The following CCDC141 variants were observed in gnomAD, a reference collection of about 807,000 sequenced individuals.
CCDC141 encodes coiled-coil domain containing 141, also known as coiled-coil domain-containing protein 141.
In CCDC141, 168 loss-of-function variants were observed where a neutral mutation model predicts 181.0. That is an observed-to-expected ratio of 0.93 (90% CI 0.82 to 1.05). The LOEUF is 1.05. CCDC141 is among the 50% of genes least tolerant of loss of function. The pLI, the probability that CCDC141 is intolerant of heterozygous loss-of-function variation, is 0.00. For missense variants in CCDC141, 1,902 were observed against 1,788.5 expected (o/e 1.06, Z -1.14); for synonymous variants, 666 against 642.3 (o/e 1.04, Z -0.56).
Position 178,961,257 on chromosome 2 carries a change from T to C in CCDC141, c.753A>G (p.Ile251Met), listed in dbSNP as rs1246610562. 6.4e-7 allele frequency: 1 copy of C among 1,550,408 alleles called. No homozygotes were observed. The highest frequency in any genetic ancestry group is 1.2e-5 in the South Asian group (1 of 84,054). Reference sequence around the variant, plus strand: ...GGTTTTCTTGTTGGTCCCACTGACATATCTGCAGAACTTGACTCAATTCTT... The same window carrying C: ...GGTTTTCTTGTTGGTCCCACTGACACATCTGCAGAACTTGACTCAATTCTT... ...QWQELSQVLQICQWDQQENQV... is the reference protein window; with the variant it reads ...QWQELSQVLQMCQWDQQENQV... The change falls in exon 5 of 24, where the codon ATA (isoleucine) becomes ATG (methionine). Residue 251 changes from isoleucine to methionine, a missense_variant. Ile to Met is a conservative substitution (Grantham distance 10). Transcript: ENST00000443758.
intron 5 of CCDC141, among the ~76,000 whole-genome samples, chr2:178,959,786 T>C (rs948843291): frequency 1.3e-5 from 2 of 152,200 alleles, no homozygotes; most frequent in African/African-American, 2.4e-5. Context: ...GGAGAATAAA[T>C]GACTGGCATC....
chr2:178,944,284 T>C (rs1349209564), intron 6 of CCDC141, among the ~76,000 whole-genome samples: 3 of 152,206 alleles, frequency 2.0e-5, no homozygotes, highest in Non-Finnish European at 4.4e-5. Flanking sequence ...CATACTATAG[T>C]GCCTGGCACA....
chr2:178,848,982 C>A (rs56149358), intron 21 of CCDC141, among the ~76,000 whole-genome samples: 2 of 151,434 alleles, frequency 1.3e-5, no homozygotes, highest in East Asian at 3.9e-4. Context: ...AAGCTATGCA[C>A]GAAGATGTTC....
At chr2:178,985,350 C>T (rs375586520) in intron 2 of CCDC141, among the ~76,000 whole-genome samples, 2 of 146,230 alleles carry the variant, frequency 1.4e-5, no homozygotes, top group East Asian at 2.0e-4. Context: ...ACTAAATGCC[C>T]ACAAGAGAAA....
At chr2:178,985,895 G>A (rs1469067282) in intron 2 of CCDC141, among the ~76,000 whole-genome samples, 1 of 152,150 alleles carries the variant, frequency 6.6e-6, no homozygotes, top group East Asian at 1.9e-4. Flanking sequence ...GGTACAAGGA[G>A]GAACTGGTAC....
At chr2:178,945,137 T>G (rs769957720) in intron 5 of CCDC141, among the ~76,000 whole-genome samples, 21 of 152,080 alleles carry the variant, frequency 1.4e-4, no homozygotes, top group Non-Finnish European at 2.4e-4. Context: ...ATCCAGAAAA[T>G]AGAGAGGTTA....
chr2:178,969,104 C>CAAAAA (rs55999054), intron 4 of CCDC141, among the ~76,000 whole-genome samples: 4 of 51,172 alleles, frequency 7.8e-5, no homozygotes, highest in African/African-American at 2.4e-4. Context: ...GCTTACCAAC[C>CAAAAA]AAAAAAAAAA....
chr2:178,949,566 T>C (rs911257376), intron 5 of CCDC141, among the ~76,000 whole-genome samples: 3 of 152,206 alleles, frequency 2.0e-5, no homozygotes, highest in Non-Finnish European at 2.9e-5. Flanking sequence ...TAGGCTATAT[T>C]TATGAATGTT....
chr2:178,878,269 A>ATATC (rs1686437224), intron 11 of CCDC141, 126 bp from the exon 12 acceptor site: 4 of 314,568 alleles, frequency 1.3e-5, no homozygotes, highest in Non-Finnish European at 2.2e-5. Flanking sequence ...ATTTGTAAAC[A>ATATC]TATTTATTTA....
At chr2:178,897,866 C>G (rs1483952197) in intron 8 of CCDC141, among the ~76,000 whole-genome samples, 1 of 152,208 alleles carries the variant, frequency 6.6e-6, no homozygotes, top group African/African-American at 2.4e-5. Context: ...CTGGACCCAG[C>G]ATTTCCAATC....
intron 2 of CCDC141, among the ~76,000 whole-genome samples, chr2:179,016,130 A>T (rs559355178): frequency 1.3e-5 from 2 of 149,732 alleles, no homozygotes; most frequent in Non-Finnish European, 3.0e-5. Flanking sequence ...TCACTGATAC[A>T]TGGGAGCTAA....
At chr2:178,885,154 A>G in intron 10 of CCDC141, 62 bp from the exon 11 acceptor site, 1 of 1,158,750 alleles carries the variant, frequency 8.6e-7, no homozygotes, top group Non-Finnish European at 1.2e-6. Context: ...TTCACGTTTC[A>G]TTATCTTCTG....
chr2:179,025,553 G>A (rs1053243661), intron 2 of CCDC141, among the ~76,000 whole-genome samples: 1 of 152,184 alleles, frequency 6.6e-6, no homozygotes, highest in African/African-American at 2.4e-5. Context: ...GGAACTGTAA[G>A]TCCATTAAGC....
intron 2 of CCDC141, among the ~76,000 whole-genome samples, chr2:178,981,636 G>GTGTATATATATATATA (rs1313433628): frequency 0.01 from 628 of 62,352 alleles, 42 homozygotes; most frequent in Admixed American, 0.097. Flanking sequence ...GTGTGTGTGT[G>GTGTATATATATATATA]TATATATATA....
intron 2 of CCDC141, among the ~76,000 whole-genome samples, chr2:179,016,324 G>A (rs1465601211): frequency 6.6e-6 from 1 of 151,778 alleles, no homozygotes; most frequent in Non-Finnish European, 1.5e-5. Flanking sequence ...AATACCACCT[G>A]TACCCTAGTA....
At chr2:178,995,130 G>A (rs535445173) in intron 2 of CCDC141, among the ~76,000 whole-genome samples, 32 of 152,238 alleles carry the variant, frequency 2.1e-4, no homozygotes, top group Admixed American at 1.4e-3. Flanking sequence ...GCAGCATCCC[G>A]CTCTACGGGT....
intron 8 of CCDC141, among the ~76,000 whole-genome samples, chr2:178,904,712 TTC>T (rs1687877243): frequency 6.6e-6 from 1 of 152,154 alleles, no homozygotes; most frequent in Non-Finnish European, 1.5e-5. Flanking sequence ...TCCTACTGCA[TTC>T]TCTCTCTGTT....
chr2:178,828,830 G>A (rs1030828364), downstream of CCDC141, among the ~76,000 whole-genome samples: 2 of 152,080 alleles, frequency 1.3e-5, no homozygotes, highest in African/African-American at 2.4e-5. Context: ...ATATTTCACT[G>A]ATTTTTTTAT....
chr2:178,879,861 G>T (rs539611666), intron 11 of CCDC141, among the ~76,000 whole-genome samples: 1 of 152,202 alleles, frequency 6.6e-6, no homozygotes. Context: ...GAAGACACTC[G>T]CTGATTCAGA....
Sources: allele counts gnomAD v4.1 joint callset (sites outside exome capture counted in the v4.1 genomes callset), GRCh38; gene constraint gnomAD v4.1.1; transcripts MANE v1.5; gene names NCBI Gene and HGNC (gene_info 2026-07-23, HGNC 2026-07-21).